Variants in DNAH8 observed in about 807,000 individuals in gnomAD.
DNAH8 encodes dynein axonemal heavy chain 8.
Under a neutral mutation model 562.1 loss-of-function variants are expected in DNAH8, and 382 were observed. The observed-to-expected ratio is 0.68, with a 90% CI of 0.63 to 0.74. The LOEUF is 0.74. Among genes scored for constraint, DNAH8 ranks in the 30% least tolerant of loss-of-function variants. The pLI is 0.00. For synonymous variants in DNAH8, 1,881 were observed against 1,919.4 expected (o/e 0.98, Z 0.52); for missense variants, 5,203 against 5,620.4 (o/e 0.93, Z 2.37).
intron 21 of DNAH8, 71 bp from the exon 22 acceptor site, chr6:38,803,108 G>T: frequency 2.9e-6 from 3 of 1,049,916 alleles, no homozygotes; most frequent in Non-Finnish European, 4.0e-6. Flanking sequence ...ATAAATTAAA[G>T]TCATAGGACT....
chr6:38,867,783 A>G (rs1001464560), intron 47 of DNAH8, among the ~76,000 whole-genome samples: 5 of 151,512 alleles, frequency 3.3e-5, no homozygotes, highest in African/African-American at 1.2e-4. Context: ...CAAAAAAGAA[A>G]CTATTGTTTG....
At chr6:38,767,689 AT>A (rs1362610998) in intron 11 of DNAH8, among the ~76,000 whole-genome samples, 11 of 152,244 alleles carry the variant, frequency 7.2e-5, no homozygotes, top group African/African-American at 2.4e-4. Flanking sequence ...ATTTTTATCC[AT>A]TCCTCTGCTG....
rs564387625 is a variant in DNAH8 at position 38,819,125 on chromosome 6, G to A, written c.3523+3468G>A. Reference sequence around the variant, plus strand: ...TAAACTTGTAGAAAAGATGAAGCCAGACCAGTCCCAGAGACTCTTTTCTTG... The same window carrying A: ...TAAACTTGTAGAAAAGATGAAGCCAAACCAGTCCCAGAGACTCTTTTCTTG... On this transcript the variant is annotated intron_variant, in intron 26 of 92. Transcript: ENST00000327475. Among the ~76,000 whole-genome samples the A allele has an allele frequency of 2.0e-5, 3 of 152,316 alleles. No homozygotes were observed. The East Asian group carries it at 5.8e-4, about 29-fold the overall frequency.
At position 38,921,481 on chromosome 6, in the gene DNAH8, T is replaced by C. The variant is rs142907521; in HGVS notation, c.10637T>C (p.Phe3546Ser). The C allele has an allele frequency of 2.0e-4, 325 of 1,613,414 alleles. 1 individual carries two copies. The African/African-American group carries it at 3.9e-3, about 19-fold the overall frequency. ...GAGCTGGATAAAGTACAGGCAAAAT[T>C]TGATGCAGCAATGAATGAGAAAATG... is the stretch of plus-strand genomic sequence containing the variant. ...QAELDKVQAK[F>S]DAAMNEKMDL... Residue 3546 changes from phenylalanine (F) to serine (S), a missense_variant, in exon 71 of 93, where the codon TTT (phenylalanine) becomes TCT (serine). This residue lies in a region of DNAH8 where 1,399 missense variants were observed against 1,518.4 expected (regional missense o/e 0.92). Transcript: ENST00000327475.
chr6:38,911,360 G>A (rs534601604), intron 65 of DNAH8, 108 bp from the exon 66 acceptor site: 1 of 836,228 alleles, frequency 1.2e-6, no homozygotes, highest in South Asian at 1.4e-5. Flanking sequence ...CTGTCTTCCT[G>A]CTAGTGAATC....
chr6:38,835,627 C>T (rs1213558410), intron 32 of DNAH8, among the ~76,000 whole-genome samples: 6 of 152,080 alleles, frequency 3.9e-5, no homozygotes, highest in Non-Finnish European at 8.8e-5. Context: ...ATTTGCAGCT[C>T]ATACAAAGGC....
At position 38,973,751 on chromosome 6, in the gene DNAH8, G is replaced by C. The variant is rs759661227; in HGVS notation, c.12616G>C (p.Asp4206His). The C allele has an allele frequency of 3.1e-6, 5 of 1,610,842 alleles. No homozygotes were observed. The highest frequency in any genetic ancestry group is 3.3e-4 in the Middle Eastern group (2 of 6,056). Reference protein sequence around the residue: ...ETLITTEASDDSFRVWITTEP... With the variant: ...ETLITTEASDHSFRVWITTEP... The stretch of plus-strand genomic sequence containing the variant: ...GCTAATTACCACTGAAGCCAGTGAT[G>C]ATTCTTTCCGAGTATGGATAACTAC... The change falls in exon 84 of 93, where the codon GAT (aspartate) becomes CAT (histidine). Residue 4206 changes from aspartate (D) to histidine (H), a missense_variant. Coordinates refer to ENST00000327475, the MANE Select transcript of DNAH8 (RefSeq NM_001206927.2).
intron 1 of DNAH8, among the ~76,000 whole-genome samples, chr6:38,715,925 AATAT>A (rs1206266759): frequency 0.012 from 433 of 36,820 alleles, 33 homozygotes; most frequent in South Asian, 0.027. Context: ...TAAATAAATA[AATAT>A]ATATATATAT....
chr6:38,888,041 A>G (rs1437230417), intron 57 of DNAH8, among the ~76,000 whole-genome samples: 3 of 151,714 alleles, frequency 2.0e-5, no homozygotes, highest in East Asian at 3.9e-4. Context: ...GTTTCACCAC[A>G]TTGACAGGGT....
chr6:38,869,093 G>A (rs868576916), intron 48 of DNAH8, among the ~76,000 whole-genome samples: 6 of 152,180 alleles, frequency 3.9e-5, no homozygotes, highest in African/African-American at 1.4e-4. Flanking sequence ...AAGTGGTTCA[G>A]GAAGCTACAT....
At chr6:39,026,741 G>A in intron 92 of DNAH8, 74 bp downstream of exon 92, 22 of 1,522,534 alleles carry the variant, frequency 1.4e-5, no homozygotes, top group Non-Finnish European at 2.0e-5. Flanking sequence ...TTAAAACTGA[G>A]CTATGAGTGC....
At chr6:39,010,870 A>C (rs1766169559) in intron 89 of DNAH8, among the ~76,000 whole-genome samples, 1 of 150,658 alleles carries the variant, frequency 6.6e-6, no homozygotes, top group African/African-American at 2.5e-5. Context: ...TGTATAGCAT[A>C]TACATATGCT....
At chr6:38,917,592 T>A (rs1474296593) in intron 69 of DNAH8, among the ~76,000 whole-genome samples, 186 bp downstream of exon 69, 1 of 152,238 alleles carries the variant, frequency 6.6e-6, no homozygotes, top group East Asian at 1.9e-4. Context: ...CTTCTTTTTA[T>A]GACATCTGTC....
intron 34 of DNAH8, 43 bp downstream of exon 34, chr6:38,842,548 A>T (rs771096933): frequency 6.3e-7 from 1 of 1,598,780 alleles, no homozygotes; most frequent in East Asian, 2.2e-5. Flanking sequence ...TCTTCTTAGG[A>T]TCCTATAGGT....
chr6:38,759,274 C>T (rs1186550949), intron 10 of DNAH8, among the ~76,000 whole-genome samples: 8 of 151,966 alleles, frequency 5.3e-5, no homozygotes, highest in Admixed American at 3.9e-4. Flanking sequence ...CACCATGGCA[C>T]TCCAGCCTAG....
intron 91 of DNAH8, among the ~76,000 whole-genome samples, chr6:39,016,334 G>A (rs1300087917): frequency 2.6e-5 from 4 of 151,986 alleles, no homozygotes; most frequent in Non-Finnish European, 5.9e-5. Flanking sequence ...GGCGGATCAC[G>A]AGGTCAGGAG....
chr6:39,029,982 C>T (rs1767560390), intron 92 of DNAH8, 123 bp from the exon 93 acceptor site: 2 of 749,080 alleles, frequency 2.7e-6, no homozygotes, highest in Admixed American at 2.7e-5. Context: ...GTGGTGCTTT[C>T]TCCCTTTGGT....
intron 89 of DNAH8, among the ~76,000 whole-genome samples, chr6:39,009,282 A>G (rs964900040): frequency 3.4e-5 from 5 of 146,740 alleles, no homozygotes; most frequent in African/African-American, 1.0e-4. Context: ...ATCAATTTCT[A>G]TGATACCTTA....
Position 38,780,021 on chromosome 6 carries a change from C to A in DNAH8, c.2095C>A (p.Arg699Ser), listed in dbSNP as rs765078483. The change falls in exon 15 of 93, where the codon CGT becomes AGT. Residue 699 changes from arginine (R) to serine (S), a missense_variant. By Grantham distance (110) the Arg-to-Ser change is moderately radical. Around this residue, in one of 6 missense-constraint regions of DNAH8, gnomAD observed 2,176 missense variants for 2,365.1 expected, o/e 0.92. Transcript: ENST00000327475. ...LGLEINHTIE[R>S]ILQYYVAELD... is the part of the protein sequence containing the mutation. ...ATTAGAAATAAACCACACAATAGAG[C>A]GTATTCTTCAGTACTATGTGGCTGA... 1 of 1,613,828 alleles carries A rather than the reference C, an allele frequency of 6.2e-7. No individual in the cohort carries two copies. The highest frequency in any genetic ancestry group is 1.3e-5 in the African/African-American group (1 of 74,896).
Sources: gnomAD v4.1 joint callset for allele counts (sites outside exome capture counted in the v4.1 genomes callset) on GRCh38, gnomAD v4.1.1 for gene constraint, gnomAD v4.1.1 regional missense constraint, MANE v1.5 for transcripts, NCBI Gene and HGNC (gene_info 2026-07-23, HGNC 2026-07-21) for gene names.